Variants in ZBED6 observed in about 807,000 individuals in gnomAD.
ZBED6 encodes zinc finger BED-type containing 6.
Under a neutral mutation model 58.4 loss-of-function variants are expected in ZBED6, and 40 were observed. That is an observed-to-expected ratio of 0.68 (90% CI 0.53 to 0.89). The LOEUF (loss-of-function observed/expected upper bound fraction) is 0.89. ZBED6 is among the 40% of genes least tolerant of loss of function. ZBED6 has a pLI of 0.00. For missense variants in ZBED6, 1,057 were observed against 1,003.9 expected (o/e 1.05, Z -0.71); for synonymous variants, 439 against 350.6 (o/e 1.25, Z -2.82).
intron 11 of ZBED6, among the ~76,000 whole-genome samples, chr1:203,841,816 G>A (rs1182155612): frequency 1.4e-5 from 2 of 145,240 alleles, no homozygotes; most frequent in African/African-American, 2.5e-5. Flanking sequence ...GGCGGCTGCC[G>A]GGCGGAGGGG....
chr1:203,805,269 C>G (rs980519996), intron 1 of ZBED6, among the ~76,000 whole-genome samples: 22 of 150,108 alleles, frequency 1.5e-4, no homozygotes, highest in African/African-American at 5.4e-4. Context: ...GAGAGTAGGA[C>G]TACAGGCGCC....
At chr1:203,847,708 C>T (rs1688259239) in intron 12 of ZBED6, 21 bp downstream of exon 12, 1 of 1,603,710 alleles carries the variant, frequency 6.2e-7, no homozygotes, top group Non-Finnish European at 8.5e-7. Context: ...AACTTGGTCT[C>T]TAGTACCACG....
chr1:203,827,734 GTGT>G (rs1230095073), intron 3 of ZBED6, among the ~76,000 whole-genome samples: 1 of 151,906 alleles, frequency 6.6e-6, no homozygotes, highest in African/African-American at 2.4e-5. Context: ...CATCCTTAGT[GTGT>G]TGTTATAGGT....
In ZBED6 at chr1:203,847,423, G is replaced by A. The variant is rs1688190854; in HGVS notation, c.*3981G>A. 18 of 1,613,854 alleles carry A rather than the reference G, an allele frequency of 1.1e-5. No individual in the cohort carries two copies. The highest frequency in any genetic ancestry group is 1.4e-5 in the Non-Finnish European group (17 of 1,179,856). ...AGCAGAGAGACAAAAAAGCAAAAAGGATACAACTTGCATCAAGCTAAAGAT... is the reference window on the plus strand; with the variant it reads ...AGCAGAGAGACAAAAAAGCAAAAAGAATACAACTTGCATCAAGCTAAAGAT... On this transcript the variant is annotated 3_prime_UTR_variant, in exon 12 of 17. Transcript: ENST00000550078.
chr1:203,807,707 T>G (rs1672854101), intron 1 of ZBED6, among the ~76,000 whole-genome samples: 3 of 152,056 alleles, frequency 2.0e-5, no homozygotes, highest in Admixed American at 2.0e-4. Context: ...TTTTTTCTTT[T>G]GGGAGAGAGA....
exon 7 of ZBED6, chr1:203,830,165 A>G (rs1465642919): frequency 6.3e-7 from 1 of 1,599,154 alleles, no homozygotes; most frequent in Non-Finnish European, 8.5e-7. Context: ...GAGGAAATTA[A>G]GTCAAAGAAA....
chr1:203,854,087 C>G (rs1320813477), exon 17 of ZBED6: 2 of 152,524 alleles, frequency 1.3e-5, no homozygotes, highest in African/African-American at 4.8e-5. Flanking sequence ...AAGAGAAATA[C>G]TTGTTTGTGT....
rs534063435 is a variant in ZBED6 at position 203,852,132 on chromosome 1, T to C, written c.*4874-9T>C. The C allele has an allele frequency of 1.9e-6, 3 of 1,613,382 alleles. No homozygotes were observed. In the East Asian group the frequency reaches 6.7e-5, roughly 36 times the overall value. On this transcript the variant is annotated splice_polypyrimidine_tract_variant and intron_variant, in intron 16 of 16. Transcript: ENST00000550078. ...CGGCAGTTTTCTAATAATCTTTTTT[T>C]TCTTACAGTCTTGTGCTGCCTCCAA... is the stretch of plus-strand genomic sequence containing the variant.
At chr1:203,798,685 A>G in exon 1 of ZBED6, 2 of 1,536,168 alleles carry the variant, frequency 1.3e-6, no homozygotes, top group Non-Finnish European at 1.7e-6. Flanking sequence ...GTTGCAGAGC[A>G]AGGCACTCTG....
At chr1:203,849,843 G>C in exon 14 of ZBED6, 1 of 1,614,066 alleles carries the variant, frequency 6.2e-7, no homozygotes, top group Non-Finnish European at 8.5e-7. Flanking sequence ...GGGAGATGTA[G>C]CCTCTTGCAA....
chr1:203,852,741 TTTC>T (rs909589546), exon 17 of ZBED6: 1 of 303,350 alleles, frequency 3.3e-6, no homozygotes, highest in African/African-American at 2.2e-5. Flanking sequence ...TTTTGGCTTT[TTTC>T]TTCTTTGTTG....
intron 1 of ZBED6, chr1:203,805,581 C>A: frequency 1.6e-6 from 1 of 619,068 alleles, no homozygotes; most frequent in South Asian, 1.4e-5. Context: ...TTTCATAGTC[C>A]CATAATATGT....
chr1:203,834,924 A>G (rs6593972), intron 9 of ZBED6, among the ~76,000 whole-genome samples: 149,415 of 152,364 alleles, frequency 0.98, 73,334 homozygotes, highest in East Asian at 1. Flanking sequence ...GATTATAGGC[A>G]TGAGCCACTG....
At chr1:203,826,957 T>G (rs1220011113) in intron 3 of ZBED6, among the ~76,000 whole-genome samples, 1 of 152,156 alleles carries the variant, frequency 6.6e-6, no homozygotes, top group Non-Finnish European at 1.5e-5. Flanking sequence ...TTCCCCTTCA[T>G]CCCCTTGTTA....
chr1:203,798,112 A>G, exon 1 of ZBED6: 7 of 1,536,152 alleles, frequency 4.6e-6, no homozygotes, highest in Non-Finnish European at 6.1e-6. Context: ...AGTGGAGAGG[A>G]GGACTTTACC....
In ZBED6 at chr1:203,847,665, G is replaced by C. The variant is rs144891019; in HGVS notation, c.*4223G>C. On this transcript the variant is annotated 3_prime_UTR_variant, in exon 12 of 17. Transcript: ENST00000550078. ...AGGCCACTCCAGGGGCAAGGCGGCT[G>C]CTGCGAATCACCAAAAGAACAGGTA... 2.7e-5 allele frequency: 44 copies of C among 1,612,256 alleles called. No homozygotes were observed. In the African/African-American group the frequency reaches 5.6e-4, roughly 21 times the overall value.
At chr1:203,817,177 T>A (rs1676635448) in intron 2 of ZBED6, 53 bp downstream of exon 2, 2 of 1,448,920 alleles carry the variant, frequency 1.4e-6, no homozygotes, top group Non-Finnish European at 9.4e-7. Flanking sequence ...TTAATAGAAT[T>A]GGATAAGATT....
At chr1:203,802,223 A>G (rs1670741036) in exon 1 of ZBED6, 1 of 152,642 alleles carries the variant, frequency 6.6e-6, no homozygotes. Flanking sequence ...ACATACATCC[A>G]TATTATACAT....
chr1:203,847,320 A>G (rs1194699052), exon 12 of ZBED6: 2 of 1,613,904 alleles, frequency 1.2e-6, no homozygotes, highest in Non-Finnish European at 8.5e-7. Flanking sequence ...ATTCTACTTC[A>G]GGAGCAAGAA....
Sources: gnomAD v4.1 joint callset for allele counts (sites outside exome capture counted in the v4.1 genomes callset) on GRCh38, gnomAD v4.1.1 for gene constraint, MANE v1.5 for transcripts, NCBI Gene and HGNC (gene_info 2026-07-23, HGNC 2026-07-21) for gene names.